Variants in VWDE observed in about 807,000 individuals in gnomAD.
VWDE encodes the protein von Willebrand factor D and EGF domain-containing protein.
A neutral mutation model predicts 178.4 loss-of-function variants in VWDE; 207 were observed. The ratio of observed to expected loss-of-function variants is 1.16; its 90% CI spans 1.04 to 1.30. The LOEUF (loss-of-function observed/expected upper bound fraction) is 1.30, where lower values mean the gene tolerates loss of function less well. Ranked by LOEUF, VWDE falls within the 50% of genes most tolerant of loss-of-function variation. The probability of loss-of-function intolerance (pLI) is 0.00; values close to 1 mark genes in which losing one functional copy is unlikely to be tolerated. For synonymous variants in VWDE, 738 were observed against 651.4 expected (o/e 1.13, Z -2.02); for missense variants, 2,287 against 1,901.3 (o/e 1.20, Z -3.77).
intron 1 of VWDE, among the ~76,000 whole-genome samples, chr7:12,394,016 C>T (rs1784513405): frequency 6.6e-6 from 1 of 152,158 alleles, no homozygotes. Flanking sequence ...TTTTGAAACA[C>T]TTAAGCTTTA....
intron 18 of VWDE, among the ~76,000 whole-genome samples, chr7:12,352,273 G>T (rs1006985363): frequency 6.6e-6 from 1 of 152,150 alleles, no homozygotes; most frequent in Non-Finnish European, 1.5e-5. Context: ...TTCTCCCACA[G>T]AACTTTGCCC....
At chr7:12,375,732 C>T (rs945810079) in intron 7 of VWDE, among the ~76,000 whole-genome samples, 4 of 151,920 alleles carry the variant, frequency 2.6e-5, no homozygotes, top group African/African-American at 9.7e-5. Flanking sequence ...ATAGACAAAT[C>T]ACAACAAATG....
In VWDE at chr7:12,369,899, C is replaced by G; in HGVS notation, c.2407G>C (p.Glu803Gln). 1 of 1,551,426 alleles carries G rather than the reference C, an allele frequency of 6.4e-7. No individual in the cohort carries two copies. The highest frequency in any genetic ancestry group is 8.7e-7 in the Non-Finnish European group (1 of 1,146,876). ...PSWPTPSGLT[E>Q]YSTLTLCQET... ...TGACAGAGGGTCAAGGTGCTATACTCGGTGAGGCCAGAGGGAGTGGGCCAA... is the reference window on the plus strand; with the variant it reads ...TGACAGAGGGTCAAGGTGCTATACTGGGTGAGGCCAGAGGGAGTGGGCCAA... Residue 803 changes from glutamate (E) to glutamine (Q), a missense_variant, in exon 12 of 29, where the codon GAG becomes CAG. Glu to Gln is a conservative substitution (Grantham distance 29). Transcript: ENST00000275358.
chr7:12,342,028 A>T (rs1170435915), intron 23 of VWDE, 31 bp downstream of exon 23: 9 of 1,510,210 alleles, frequency 6.0e-6, no homozygotes, highest in Non-Finnish European at 8.1e-6. Flanking sequence ...CTTTTAATTG[A>T]CATGTTCATT....
Position 12,369,680 on chromosome 7 carries a change from C to T in VWDE, c.2626G>A (p.Glu876Lys), listed in dbSNP as rs1416266185. Residue 876 changes from glutamate to lysine, a missense_variant, in exon 12 of 29, where the codon GAG becomes AAG. Coordinates refer to ENST00000275358, the MANE Select transcript of VWDE (RefSeq NM_001135924.3). The stretch of plus-strand genomic sequence containing the variant: ...ATGTCTTCAATTGATGTGCCATACT[C>T]TTCTGTGTTATATTTCCCCTCCTCC... ...IVEEGKYNTE[E>K]YGTSIEDILS... is the part of the protein sequence containing the mutation. The T allele has an allele frequency of 6.4e-7, 1 of 1,551,674 alleles. No homozygotes were observed.
At chr7:12,386,759 T>C (rs1256331785) in intron 3 of VWDE, among the ~76,000 whole-genome samples, 1 of 152,196 alleles carries the variant, frequency 6.6e-6, no homozygotes, top group African/African-American at 2.4e-5. Context: ...TTCAGTATTC[T>C]CTTCTACAGT....
intron 12 of VWDE, among the ~76,000 whole-genome samples, chr7:12,368,058 T>C (rs1445563230): frequency 6.6e-6 from 1 of 151,814 alleles, no homozygotes; most frequent in Non-Finnish European, 1.5e-5. Context: ...ATTCAGAACC[T>C]TAAAAATCTT....
At chr7:12,376,752 G>A (rs563469375) in intron 7 of VWDE, among the ~76,000 whole-genome samples, 3 of 152,098 alleles carry the variant, frequency 2.0e-5, no homozygotes, top group South Asian at 2.1e-4. Context: ...AATGTTGCTC[G>A]TGGTGCTCCT....
intron 16 of VWDE, among the ~76,000 whole-genome samples, chr7:12,358,532 T>C (rs1782398732): frequency 6.6e-6 from 1 of 152,146 alleles, no homozygotes; most frequent in Non-Finnish European, 1.5e-5. Flanking sequence ...CCCCATTACA[T>C]TGTACTGAGC....
chr7:12,393,089 A>G (rs1199370505), intron 2 of VWDE, among the ~76,000 whole-genome samples: 2 of 152,170 alleles, frequency 1.3e-5, no homozygotes, highest in Non-Finnish European at 2.9e-5. Flanking sequence ...TATTAGTCTT[A>G]GAATAGGAGG....
At chr7:12,378,745 C>T (rs948063233) in intron 6 of VWDE, among the ~76,000 whole-genome samples, 12 of 152,214 alleles carry the variant, frequency 7.9e-5, no homozygotes, top group African/African-American at 2.9e-4. Flanking sequence ...ACTCTTCTCA[C>T]TTCTTTTCCT....
intron 19 of VWDE, among the ~76,000 whole-genome samples, chr7:12,349,633 G>C (rs1172599752): frequency 6.7e-6 from 1 of 150,312 alleles, no homozygotes; most frequent in Non-Finnish European, 1.5e-5. Context: ...ATATGAAGTG[G>C]CCAGAATATA....
intron 10 of VWDE, among the ~76,000 whole-genome samples, chr7:12,372,020 A>C (rs1366879599): frequency 1.4e-4 from 21 of 152,120 alleles, no homozygotes; most frequent in Admixed American, 1.4e-3. Context: ...TTCCCTGGAA[A>C]GACTGTTACT....
In VWDE at chr7:12,389,270, G is replaced by C; in HGVS notation, c.332C>G (p.Thr111Arg). The change falls in exon 3 of 29, where the codon ACA becomes AGA. Residue 111 changes from threonine to arginine, a missense_variant. Transcript: ENST00000275358. ...LPSPGEIKQL[T>R]ACATWQFLFS... is the part of the protein sequence containing the mutation. ...CAAAAACTGCCATGTTGCACAAGCTGTCAATTGCTTGATCTCCCCAGGAGA... is the reference window on the plus strand; with the variant it reads ...CAAAAACTGCCATGTTGCACAAGCTCTCAATTGCTTGATCTCCCCAGGAGA... 1 of 1,551,696 alleles carries C rather than the reference G, an allele frequency of 6.4e-7. No individual in the cohort carries two copies. Among genetic ancestry groups the C allele is most frequent in the Non-Finnish European group, 8.7e-7 (1 of 1,146,996 alleles).
Position 12,389,116 on chromosome 7 carries a change from T to C in VWDE, c.475+11A>G. 6.7e-7 allele frequency: 1 copy of C among 1,486,486 alleles called. No homozygotes were observed. Among genetic ancestry groups the C allele is most frequent in the Non-Finnish European group, 9.2e-7 (1 of 1,088,084 alleles). The allele number at this position is 1,486,486 out of a possible 1,614,324, so 92.1% of individuals were successfully genotyped here. ...GAATAACAGTCATGTGAATTACTGG[T>C]GTTTTCTTACCTTCCGCACAGTAGC... is the stretch of plus-strand genomic sequence containing the variant. On this transcript the variant is annotated intron_variant, in intron 3 of 28. Coordinates refer to ENST00000275358, the MANE Select transcript of VWDE (RefSeq NM_001135924.3).
At chr7:12,390,537 G>C (rs1475168452) in intron 2 of VWDE, among the ~76,000 whole-genome samples, 1 of 151,756 alleles carries the variant, frequency 6.6e-6, no homozygotes, top group East Asian at 1.9e-4. Context: ...ATTGATATAT[G>C]TGATTGAATT....
intron 27 of VWDE, among the ~76,000 whole-genome samples, chr7:12,335,885 CTT>C (rs1780994380): frequency 6.6e-6 from 1 of 152,132 alleles, no homozygotes. Context: ...CCTGGGGAAA[CTT>C]TATTGGTAAT....
At position 12,363,163 on chromosome 7, in the gene VWDE, A is replaced by G. The variant is rs2128553810; in HGVS notation, c.2899-1642T>C. Among the ~76,000 whole-genome samples, 3 of 152,250 alleles carry G rather than the reference A, an allele frequency of 2.0e-5. 1 individual carries two copies. The South Asian group carries it at 6.2e-4, about 31-fold the overall frequency. On this transcript the variant is annotated intron_variant, in intron 13 of 28. Coordinates refer to ENST00000275358, the MANE Select transcript of VWDE (RefSeq NM_001135924.3). The stretch of plus-strand genomic sequence containing the variant: ...AATAAGATATAATACAAAAGGAGTT[A>G]TTAAGTCTAACTAACTAGCACAGTC...
intron 19 of VWDE, 25 bp downstream of exon 19, chr7:12,351,548 G>T: frequency 6.6e-7 from 1 of 1,526,626 alleles, no homozygotes; most frequent in South Asian, 1.3e-5. Context: ...CTTGTCATTA[G>T]ATTTTAACTA....
Sources: allele counts gnomAD v4.1 joint callset (sites outside exome capture counted in the v4.1 genomes callset), GRCh38; gene constraint gnomAD v4.1.1; transcripts MANE v1.5; gene names NCBI Gene and HGNC (gene_info 2026-07-23, HGNC 2026-07-21).